CFAP299: variants seen among roughly 807,000 people sequenced by gnomAD.
CFAP299 encodes cilia and flagella associated protein 299, also known as cilia- and flagella-associated protein 299.
CFAP299 carries 21 observed loss-of-function variants against 27.0 expected under a neutral mutation model. The observed-to-expected ratio is 0.78, with a 90% confidence interval of 0.55 to 1.12. The LOEUF (loss-of-function observed/expected upper bound fraction) is 1.12, where lower values mean the gene tolerates loss of function less well. CFAP299 is among the 50% of genes most tolerant of loss of function. The pLI, the probability that CFAP299 is intolerant of heterozygous loss-of-function variation, is 0.00. For synonymous variants in CFAP299, 104 were observed against 98.1 expected (o/e 1.06, Z -0.36); for missense variants, 310 against 276.6 (o/e 1.12, Z -0.86).
At position 80,385,998 on chromosome 4, in the gene CFAP299, G is replaced by T. The variant is rs184729239; in HGVS notation, c.242+23114G>T. On this transcript the variant is annotated intron_variant, in intron 2 of 5. Coordinates refer to ENST00000358105, the MANE Select transcript of CFAP299 (RefSeq NM_152770.3). ...CCCCAGAATGTTGCAGGGCTTTCCAGCAGGAGAGGGGACACCGGAAGGCGG... is the reference window on the plus strand; with the variant it reads ...CCCCAGAATGTTGCAGGGCTTTCCATCAGGAGAGGGGACACCGGAAGGCGG... Among the ~76,000 whole-genome samples the T allele has an allele frequency of 1.5e-3, 232 of 152,352 alleles. 2 individuals carry two copies. Among genetic ancestry groups the T allele is most frequent in the East Asian group, 7.7e-4 (4 of 5,176 alleles).
At chr4:80,386,496 T>G in intron 2 of CFAP299, 1 of 1,529,080 alleles carries the variant, frequency 6.5e-7, no homozygotes, top group Non-Finnish European at 8.8e-7. Context: ...GGCTGCCCTC[T>G]TCTCGCGGGC....
chr4:80,578,565 A>G (rs17004946), intron 2 of CFAP299, among the ~76,000 whole-genome samples: 6,451 of 152,238 alleles, frequency 0.042, 422 homozygotes, highest in African/African-American at 0.14. Flanking sequence ...GAAGAACAGT[A>G]TGAACTTAGG....
intron 2 of CFAP299, among the ~76,000 whole-genome samples, chr4:80,391,536 G>C (rs1049893647): frequency 6.6e-6 from 1 of 152,066 alleles, no homozygotes; most frequent in African/African-American, 2.4e-5. Context: ...GACAGACTGC[G>C]TATGCAAGGT....
intron 2 of CFAP299, among the ~76,000 whole-genome samples, chr4:80,551,585 T>G (rs1022489314): frequency 2.0e-5 from 3 of 152,164 alleles, no homozygotes; most frequent in African/African-American, 7.2e-5. Context: ...GTAAGATATA[T>G]AATAGTACCA....
chr4:80,758,601 G>C lies in CFAP299; in HGVS notation c.334-111392G>C, dbSNP rs371093724. Among the ~76,000 whole-genome samples, 13 of 152,222 alleles carry C rather than the reference G, an allele frequency of 8.5e-5. No homozygotes were observed. The South Asian group carries it at 2.5e-3, about 29-fold the overall frequency. On this transcript the variant is annotated intron_variant, in intron 3 of 5. Transcript: ENST00000358105. ...TCTGCCCAGAATTTCTCTGTCTCCTGTTTCTATCACTTCCTCATAGACCTA... is the reference window on the plus strand; with the variant it reads ...TCTGCCCAGAATTTCTCTGTCTCCTCTTTCTATCACTTCCTCATAGACCTA...
chr4:80,439,998 G>A (rs1012044124), intron 2 of CFAP299, among the ~76,000 whole-genome samples: 2 of 152,192 alleles, frequency 1.3e-5, no homozygotes, highest in African/African-American at 2.4e-5. Context: ...AGCTGTCTCT[G>A]TAGATTCCTC....
chr4:80,879,483 A>T (rs1733580056), intron 4 of CFAP299, among the ~76,000 whole-genome samples: 4 of 152,152 alleles, frequency 2.6e-5, no homozygotes, highest in Admixed American at 2.6e-4. Context: ...TGACCATTAC[A>T]CATTAGAAGA....
At chr4:80,770,722 C>A (rs769125049) in intron 3 of CFAP299, among the ~76,000 whole-genome samples, 14 of 152,236 alleles carry the variant, frequency 9.2e-5, no homozygotes, top group South Asian at 6.2e-4. Flanking sequence ...CATTTGGAAT[C>A]ATAACTAAGG....
chr4:80,332,731 A>G (rs1050016633), upstream of CFAP299, among the ~76,000 whole-genome samples: 1 of 152,082 alleles, frequency 6.6e-6, no homozygotes, highest in Non-Finnish European at 1.5e-5. Flanking sequence ...GATAACATAG[A>G]TTGTAGGGCA....
At chr4:80,438,622 C>T (rs957367630) in intron 2 of CFAP299, among the ~76,000 whole-genome samples, 1 of 152,190 alleles carries the variant, frequency 6.6e-6, no homozygotes, top group African/African-American at 2.4e-5. Flanking sequence ...TTCTATTCAT[C>T]TGTCTGTTTT....
intron 1 of CFAP299, among the ~76,000 whole-genome samples, chr4:80,341,965 A>G (rs1018374856): frequency 7.2e-5 from 11 of 152,218 alleles, no homozygotes; most frequent in Admixed American, 6.5e-4. Context: ...TAGCTGGGTA[A>G]GAGAGGAGCA....
intron 3 of CFAP299, among the ~76,000 whole-genome samples, chr4:80,653,615 AC>A (rs1478025632): frequency 6.6e-5 from 10 of 152,292 alleles, no homozygotes; most frequent in Non-Finnish European, 8.8e-5. Context: ...TATGAAAAAA[AC>A]ATATTAGCAC....
At chr4:80,347,543 A>G (rs767640887) in intron 1 of CFAP299, among the ~76,000 whole-genome samples, 1 of 152,214 alleles carries the variant, frequency 6.6e-6, no homozygotes, top group Non-Finnish European at 1.5e-5. Context: ...TGCTATAAAA[A>G]GAATGAAGTG....
At chr4:80,837,471 T>G (rs1730626274) in intron 3 of CFAP299, among the ~76,000 whole-genome samples, 1 of 152,132 alleles carries the variant, frequency 6.6e-6, no homozygotes, top group African/African-American at 2.4e-5. Context: ...GTGTATGATG[T>G]TCCCCTCCCT....
chr4:80,650,079 A>G lies in CFAP299; in HGVS notation c.333+66896A>G, dbSNP rs115082709. ...ATAATCATACAGAAGTGCTTTGTAAAATGCATATAGCATAAGAAAATGTGA... is the reference window on the plus strand; with the variant it reads ...ATAATCATACAGAAGTGCTTTGTAAGATGCATATAGCATAAGAAAATGTGA... On this transcript the variant is annotated intron_variant, in intron 3 of 5. Transcript: ENST00000358105. Among the ~76,000 whole-genome samples the G allele has an allele frequency of 5.4e-3, 821 of 152,212 alleles. 11 individuals are homozygous for G. Among genetic ancestry groups the G allele is most frequent in the African/African-American group, 0.019 (779 of 41,578 alleles).
At chr4:80,390,505 A>ATATG (rs1249800899) in intron 2 of CFAP299, among the ~76,000 whole-genome samples, 1,055 of 79,060 alleles carry the variant, frequency 0.013, 140 homozygotes, top group African/African-American at 0.07. Context: ...ATATATGTAT[A>ATATG]TATACACACA....
chr4:80,815,062 C>A (rs1729354284), intron 3 of CFAP299, among the ~76,000 whole-genome samples: 2 of 151,782 alleles, frequency 1.3e-5, no homozygotes, highest in Non-Finnish European at 2.9e-5. Flanking sequence ...AAAACCGATA[C>A]CCAAAGAAAA....
At chr4:80,390,926 T>C (rs1440073678) in intron 2 of CFAP299, among the ~76,000 whole-genome samples, 5 of 30,774 alleles carry the variant, frequency 1.6e-4, no homozygotes, top group South Asian at 1.7e-3. Context: ...CACACATATG[T>C]ATATATGTAT....
intron 2 of CFAP299, among the ~76,000 whole-genome samples, chr4:80,405,250 T>G (rs936175338): frequency 3.9e-5 from 6 of 152,218 alleles, no homozygotes; most frequent in Admixed American, 1.3e-4. Flanking sequence ...GTGTCTTGCC[T>G]GTGGTAGTCT....
Sources: allele counts gnomAD v4.1 joint callset (sites outside exome capture counted in the v4.1 genomes callset), GRCh38; gene constraint gnomAD v4.1.1; transcripts MANE v1.5; gene names NCBI Gene and HGNC (gene_info 2026-07-23, HGNC 2026-07-21).